The following EXOC7 variants were observed in gnomAD, a reference collection of about 807,000 sequenced individuals.
The protein encoded by EXOC7 is exocyst complex component Exo70.
EXOC7 carries 51 observed loss-of-function variants against 87.6 expected under a neutral mutation model. That is an observed-to-expected ratio of 0.58 (90% CI 0.46 to 0.73). The LOEUF is 0.73. Ranked by LOEUF, EXOC7 falls within the 30% of genes least tolerant of loss-of-function variation. The pLI, the probability that EXOC7 is intolerant of heterozygous loss-of-function variation, is 0.00. For synonymous variants in EXOC7, 327 were observed against 357.1 expected (o/e 0.92, Z 0.95); for missense variants, 744 against 888.4 (o/e 0.84, Z 2.07).
chr17:76,098,083 C>A, intron 4 of EXOC7, 65 bp from the exon 5 acceptor site: 1 of 1,393,420 alleles, frequency 7.2e-7, no homozygotes, highest in East Asian at 2.3e-5. Context: ...CTGGCCTTCC[C>A]CTGCCTGTGC....
intron 7 of EXOC7, chr17:76,089,868 G>A (rs2144631794): frequency 1.6e-5 from 3 of 181,942 alleles, no homozygotes; most frequent in Middle Eastern, 2.7e-3. Context: ...CTAAGAGGCT[G>A]GTAAGTCCCA....
intron 4 of EXOC7, 116 bp from the exon 5 acceptor site, chr17:76,098,134 C>T (rs1430189037): frequency 1.6e-5 from 13 of 819,108 alleles, no homozygotes; most frequent in Non-Finnish European, 2.3e-5. Flanking sequence ...CCCTTTTCTG[C>T]CCTGATATCT....
intron 14 of EXOC7, 69 bp downstream of exon 14, chr17:76,085,608 A>G: frequency 6.2e-7 from 1 of 1,609,226 alleles, no homozygotes; most frequent in East Asian, 2.2e-5. Context: ...CCAGGGGGGC[A>G]GGGGCTGGCA....
chr17:76,101,470 A>G, intron 3 of EXOC7, 94 bp from the exon 4 acceptor site: 1 of 1,514,826 alleles, frequency 6.6e-7, no homozygotes, highest in Non-Finnish European at 8.9e-7. Context: ...AATACAGGGG[A>G]CTCCAGGCTC....
At chr17:76,103,294 C>T in intron 2 of EXOC7, 67 bp downstream of exon 2, 3 of 1,467,382 alleles carry the variant, frequency 2.0e-6, no homozygotes, top group Middle Eastern at 1.8e-4. Context: ...ACCGGAACCG[C>T]CAGGTCGCAA....
chr17:76,088,683 T>C, intron 9 of EXOC7, 88 bp downstream of exon 9: 1 of 1,600,228 alleles, frequency 6.2e-7, no homozygotes, highest in South Asian at 1.1e-5. Context: ...GGACAGAGAA[T>C]GGGGTTCTCC....
intron 2 of EXOC7, 156 bp downstream of exon 2, chr17:76,103,205 G>T (rs1357238541): frequency 7.4e-6 from 5 of 677,782 alleles, no homozygotes; most frequent in Non-Finnish European, 1.3e-5. Flanking sequence ...GGGCTAGGCA[G>T]GAGAGATGCC....
intron 3 of EXOC7, 126 bp downstream of exon 3, chr17:76,101,553 G>A (rs945583633): frequency 7.4e-7 from 1 of 1,345,202 alleles, no homozygotes; most frequent in Non-Finnish European, 1.0e-6. Flanking sequence ...TGTCCAGACT[G>A]GTCTTGAACT....
intron 7 of EXOC7, 85 bp downstream of exon 7, chr17:76,091,058 C>T (rs1567972772): frequency 1.6e-6 from 2 of 1,222,026 alleles, no homozygotes; most frequent in South Asian, 2.4e-5. Flanking sequence ...TCTCCCGAGG[C>T]CCTCCTGGGG....
intron 7 of EXOC7, 66 bp from the exon 8 acceptor site, chr17:76,089,386 G>C: frequency 6.3e-7 from 1 of 1,588,306 alleles, no homozygotes; most frequent in South Asian, 1.1e-5. Context: ...TGGGGGCGGC[G>C]TGGGTCCCCC....
intron 8 of EXOC7, 105 bp downstream of exon 8, chr17:76,089,070 C>T (rs1398308618): frequency 1.3e-6 from 2 of 1,555,728 alleles, no homozygotes; most frequent in Non-Finnish European, 1.8e-6. Context: ...AGGACCGGTC[C>T]CCAGGGCACG....
rs761090443 is a variant in EXOC7, at chr17:76,081,880, A to C, written c.*1768T>G. On this transcript the variant is annotated 3_prime_UTR_variant, in exon 19 of 19. Transcript: ENST00000589210. The stretch of plus-strand genomic sequence containing the variant: ...CATCTCCCTGTGCCCTGCCTCCCCC[A>C]GTTTACTACTTCACCATCCTGCTGC... The C allele has an allele frequency of 7.8e-5, 125 of 1,608,010 alleles. No individual in the cohort carries two copies. Among genetic ancestry groups the C allele is most frequent in the Non-Finnish European group, 1.0e-4 (120 of 1,176,168 alleles).
intron 5 of EXOC7, among the ~76,000 whole-genome samples, chr17:76,094,914 C>T (rs1206008668): frequency 6.7e-6 from 1 of 150,100 alleles, no homozygotes; most frequent in Non-Finnish European, 1.5e-5. Flanking sequence ...CCTGGCCAGG[C>T]AGTCTTAAAA....
chr17:76,103,547 CT>C (rs1244162896), intron 1 of EXOC7, 85 bp downstream of exon 1: 3 of 1,584,854 alleles, frequency 1.9e-6, no homozygotes, highest in Non-Finnish European at 2.6e-6. Flanking sequence ...CCTCCCACCC[CT>C]GCCTCCTCCA....
chr17:76,087,062 C>A (rs533803832), intron 12 of EXOC7, among the ~76,000 whole-genome samples: 22 of 152,244 alleles, frequency 1.4e-4, no homozygotes, highest in Non-Finnish European at 2.5e-4. Context: ...GCGGGACCCT[C>A]TGAGGACCAG....
intron 12 of EXOC7, among the ~76,000 whole-genome samples, 157 bp from the exon 13 acceptor site, chr17:76,086,302 C>T (rs924687842): frequency 2.6e-5 from 4 of 152,202 alleles, no homozygotes; most frequent in East Asian, 3.9e-4. Flanking sequence ...TGGCCCCTGC[C>T]GCAGGAAGCA....
At chr17:76,102,835 G>A (rs2068139916) in intron 2 of EXOC7, among the ~76,000 whole-genome samples, 1 of 152,146 alleles carries the variant, frequency 6.6e-6, no homozygotes, top group South Asian at 2.1e-4. Flanking sequence ...TGGGAGGCTG[G>A]CACAGTCTCT....
At chr17:76,086,948 A>G in intron 12 of EXOC7, 1 of 1,497,126 alleles carries the variant, frequency 6.7e-7, no homozygotes, top group Non-Finnish European at 9.1e-7. Context: ...CAAAGGAGGG[A>G]GAAAGATGCA....
rs552689575 is a variant in EXOC7, at chr17:76,082,776, A to G, written c.*872T>C. 142 of 961,282 alleles carry G rather than the reference A, an allele frequency of 1.5e-4. No individual in the cohort carries two copies. In the South Asian group the frequency reaches 2.1e-3, roughly 14 times the overall value. The allele number at this position is 961,282 out of a possible 1,614,324, so 59.5% of individuals were successfully genotyped here. ...TCTCCCTCCGCTAGCACACAAGCAC[A>G]GAGCGTGAAATAAACCCATCTCCAG... On this transcript the variant is annotated 3_prime_UTR_variant, in exon 19 of 19. Coordinates refer to ENST00000589210, the MANE Select transcript of EXOC7 (RefSeq NM_001013839.4).
Sources: allele counts gnomAD v4.1 joint callset (sites outside exome capture counted in the v4.1 genomes callset), GRCh38; gene constraint gnomAD v4.1.1; transcripts MANE v1.5; gene names NCBI Gene and HGNC (gene_info 2026-07-23, HGNC 2026-07-21).